The following RIMS2 variants were observed in gnomAD, a reference collection of about 807,000 sequenced individuals.
RIMS2 encodes the protein regulating synaptic membrane exocytosis 2, also known as regulating synaptic membrane exocytosis protein 2.
A neutral mutation model predicts 174.4 loss-of-function variants in RIMS2; 59 were observed. That is an observed-to-expected ratio of 0.34 (90% confidence interval 0.27 to 0.42). RIMS2 has a LOEUF of 0.42. Among genes scored for constraint, RIMS2 ranks in the 10% least tolerant of loss-of-function variants. RIMS2 has a pLI of 1.00. For missense variants in RIMS2, 1,620 were observed against 1,666.3 expected (o/e 0.97, Z 0.48); for synonymous variants, 606 against 572.5 (o/e 1.06, Z -0.84).
chr8:104,030,019 T>C (rs2096354729), intron 19 of RIMS2, among the ~76,000 whole-genome samples: 2 of 152,196 alleles, frequency 1.3e-5, no homozygotes. Context: ...AAATCACCTA[T>C]ATTTGATGTT....
chr8:103,530,666 G>A (rs1348090436), intron 1 of RIMS2, among the ~76,000 whole-genome samples: 2 of 152,058 alleles, frequency 1.3e-5, no homozygotes. Context: ...CTAGAGGTAA[G>A]GAAGGACATT....
intron 3 of RIMS2, among the ~76,000 whole-genome samples, chr8:103,878,404 A>G (rs1414206315): frequency 6.6e-6 from 1 of 151,820 alleles, no homozygotes. Flanking sequence ...TCATCCTTTC[A>G]TGCCTGGAAT....
chr8:103,530,115 A>G (rs1026921815), intron 1 of RIMS2, among the ~76,000 whole-genome samples: 18 of 152,228 alleles, frequency 1.2e-4, no homozygotes, highest in Non-Finnish European at 7.3e-5. Flanking sequence ...AGAATTAAAA[A>G]TACATGATAG....
rs74768203 is a variant in RIMS2 at position 104,197,926 on chromosome 8, G to A, written c.3335-46990G>A. On this transcript the variant is annotated intron_variant, in intron 19 of 23. Transcript: ENST00000504942. ...TAATCTTTACATAGGTACCAATGAGGCAATTGCTTAGGATGTGAGCTCTCT... is the reference window on the plus strand; with the variant it reads ...TAATCTTTACATAGGTACCAATGAGACAATTGCTTAGGATGTGAGCTCTCT... 5.3e-3 allele frequency among the ~76,000 whole-genome samples: 805 copies of A among 151,536 alleles called. 4 individuals carry two copies. The highest frequency in any genetic ancestry group is 0.018 in the African/African-American group (742 of 41,360).
intron 3 of RIMS2, among the ~76,000 whole-genome samples, chr8:103,786,618 G>A (rs2098446013): frequency 1.3e-5 from 2 of 152,168 alleles, no homozygotes; most frequent in African/African-American, 4.8e-5. Context: ...TAGTTTGATT[G>A]CACTGTGGTC....
intron 3 of RIMS2, among the ~76,000 whole-genome samples, chr8:103,846,802 AT>A (rs997292644): frequency 2.6e-5 from 4 of 151,930 alleles, no homozygotes; most frequent in African/African-American, 9.7e-5. Context: ...ATACTTAAAT[AT>A]TTTTTTCCAC....
At chr8:103,749,302 C>T (rs1001479557) in intron 2 of RIMS2, among the ~76,000 whole-genome samples, 2 of 150,494 alleles carry the variant, frequency 1.3e-5, no homozygotes, top group Admixed American at 6.6e-5. Context: ...TTAGTAGAAA[C>T]GGGGTTTCAC....
chr8:103,916,297 G>T, intron 7 of RIMS2, 117 bp from the exon 11 acceptor site: 2 of 638,112 alleles, frequency 3.1e-6, no homozygotes, highest in Non-Finnish European at 5.1e-6. Context: ...AGTATGTTTC[G>T]TATTGTATAA....
intron 2 of RIMS2, among the ~76,000 whole-genome samples, chr8:103,706,519 T>C (rs1478290249): frequency 3.3e-5 from 5 of 152,176 alleles, no homozygotes; most frequent in Non-Finnish European, 7.3e-5. Flanking sequence ...GTTTTGTTTG[T>C]TTGAAAACTT....
intron 3 of RIMS2, among the ~76,000 whole-genome samples, chr8:103,878,976 G>C (rs535508254): frequency 6.6e-6 from 1 of 151,692 alleles, no homozygotes; most frequent in South Asian, 2.1e-4. Context: ...AAACCTTTTA[G>C]ATCCCAATTT....
rs1377918594 is a variant in RIMS2 at position 104,249,596 on chromosome 8, CAAA to C, written c.3691+10_3691+12del. On this transcript the variant is annotated intron_variant, in intron 22 of 23. Transcript: ENST00000504942. ...GTTCCAAGACACTGCCAGGTAAAAA[CAAA>C]AGAGATTTTTCTATTATTGTCCATA... 1 of 1,491,724 alleles carries C rather than the reference CAAA, an allele frequency of 6.7e-7. No homozygotes were observed. Among genetic ancestry groups the C allele is most frequent in the Non-Finnish European group, 9.4e-7 (1 of 1,069,344 alleles). The allele number at this position is 1,491,724 out of a possible 1,614,324, so 92.4% of individuals were successfully genotyped here.
intron 1 of RIMS2, among the ~76,000 whole-genome samples, chr8:103,604,270 G>T (rs1206638022): frequency 2.0e-5 from 3 of 151,058 alleles, no homozygotes; most frequent in African/African-American, 4.8e-5. Context: ...TTTCCCCATT[G>T]CTTGTTTTTG....
At chr8:103,524,934 G>C (rs1833276673) in intron 1 of RIMS2, among the ~76,000 whole-genome samples, 1 of 152,170 alleles carries the variant, frequency 6.6e-6, no homozygotes, top group Non-Finnish European at 1.5e-5. Context: ...AAAATAAAAT[G>C]ATCTACCTTC....
At chr8:104,209,343 A>G (rs532057853) in intron 19 of RIMS2, among the ~76,000 whole-genome samples, 20 of 152,288 alleles carry the variant, frequency 1.3e-4, no homozygotes, top group African/African-American at 4.8e-4. Context: ...AATCTCTAAG[A>G]CCTGTTATAT....
chr8:104,000,747 G>A (rs548674841), intron 17 of RIMS2, among the ~76,000 whole-genome samples: 2 of 151,424 alleles, frequency 1.3e-5, no homozygotes, highest in South Asian at 2.1e-4. Context: ...TTTATAATAG[G>A]CATTTTAACC....
intron 19 of RIMS2, among the ~76,000 whole-genome samples, chr8:104,037,517 C>T (rs2096540824): frequency 6.6e-6 from 1 of 152,070 alleles, no homozygotes; most frequent in African/African-American, 2.4e-5. Context: ...AGCCAATCAG[C>T]AGAATTTCAG....
At chr8:104,252,527 C>A (rs200942509), downstream of RIMS2, 235 of 130,114 alleles carry the variant, frequency 1.8e-3, no homozygotes, top group East Asian at 2.0e-3. Context: ...CTGCAACTTG[C>A]AAAAAAAAAA....
At chr8:104,154,719 G>A (rs1197871193) in intron 19 of RIMS2, among the ~76,000 whole-genome samples, 2 of 152,140 alleles carry the variant, frequency 1.3e-5, no homozygotes, top group Non-Finnish European at 1.5e-5. Context: ...AGGCATCTGC[G>A]CTCTTTTCAT....
chr8:104,041,155 C>T (rs10086223), intron 19 of RIMS2, among the ~76,000 whole-genome samples, 171 bp from the exon 22 acceptor site: 57,776 of 151,466 alleles, frequency 0.38, 11,275 homozygotes, highest in Non-Finnish European at 0.42. Context: ...TCAGTTCTTA[C>T]GTATTTTTTG....
Sources: gnomAD v4.1 joint callset for allele counts (sites outside exome capture counted in the v4.1 genomes callset) on GRCh38, gnomAD v4.1.1 for gene constraint, MANE v1.5 for transcripts, NCBI Gene and HGNC (gene_info 2026-07-23, HGNC 2026-07-21) for gene names.